GRM8: variants seen among roughly 807,000 people sequenced by gnomAD.
GRM8 encodes metabotropic glutamate receptor 8.
GRM8 carries 47 observed loss-of-function variants against 87.2 expected under a neutral mutation model. The observed-to-expected ratio is 0.54, with a 90% confidence interval of 0.43 to 0.69. The LOEUF is 0.69. GRM8 is among the 30% of genes least tolerant of loss of function. The pLI is 0.00. For missense variants in GRM8, 1,019 were observed against 1,139.2 expected (o/e 0.89, Z 1.52); for synonymous variants, 396 against 404.5 (o/e 0.98, Z 0.25).
chr7:126,729,687 T>C lies in GRM8; in HGVS notation c.1357+40178A>G, dbSNP rs191530529. ...CCCTAAATGAAGTGACTTTTGTATGTGATTACCTTGTGTCACCTATGATTT... is the reference window on the plus strand; with the variant it reads ...CCCTAAATGAAGTGACTTTTGTATGCGATTACCTTGTGTCACCTATGATTT... On this transcript the variant is annotated intron_variant, in intron 7 of 10. Transcript: ENST00000339582. 3.9e-4 allele frequency among the ~76,000 whole-genome samples: 59 copies of C among 152,324 alleles called. 1 individual carries two copies. In the East Asian group the frequency reaches 0.011, roughly 29 times the overall value.
intron 3 of GRM8, among the ~76,000 whole-genome samples, chr7:126,968,480 T>C (rs1326283984): frequency 6.6e-6 from 1 of 152,132 alleles, no homozygotes; most frequent in Non-Finnish European, 1.5e-5. Flanking sequence ...TTACCCTAAT[T>C]AACAAGGAAG....
At chr7:126,690,682 C>T (rs1808709001) in intron 7 of GRM8, among the ~76,000 whole-genome samples, 1 of 152,104 alleles carries the variant, frequency 6.6e-6, no homozygotes, top group South Asian at 2.1e-4. Context: ...AGTTCTTGTC[C>T]CACATCCAGG....
Position 126,685,910 on chromosome 7 carries a change from C to T in GRM8, c.1358-76412G>A, listed in dbSNP as rs757896595. On this transcript the variant is annotated intron_variant, in intron 7 of 10. Transcript: ENST00000339582. The surrounding 1 kb of genome is among the most constrained non-coding windows in gnomAD (Gnocchi z 4.2). ...ATTCCCGCATACCAGAAGGTGAACT[C>T]GTAGCGCTTTTCCCTGGGCCCTCGT... Among the ~76,000 whole-genome samples the T allele has an allele frequency of 9.9e-5, 15 of 151,932 alleles. No homozygotes were observed. The highest frequency in any genetic ancestry group is 2.0e-4 in the Admixed American group (3 of 15,262).
chr7:126,800,005 T>C (rs1258100558), intron 6 of GRM8, among the ~76,000 whole-genome samples: 1 of 152,146 alleles, frequency 6.6e-6, no homozygotes. Context: ...TTTCAGAAGA[T>C]AGTTAGAATA....
intron 3 of GRM8, among the ~76,000 whole-genome samples, chr7:126,925,220 G>A (rs1013779934): frequency 6.6e-6 from 1 of 152,132 alleles, no homozygotes; most frequent in Non-Finnish European, 1.5e-5. Context: ...AGTTATTTTT[G>A]CATGGGTGCC....
chr7:127,020,830 A>G (rs1259397036), intron 3 of GRM8, among the ~76,000 whole-genome samples: 2 of 152,012 alleles, frequency 1.3e-5, no homozygotes, highest in Non-Finnish European at 2.9e-5. Flanking sequence ...TTATCATCAT[A>G]AATCAGGAAA....
At chr7:127,231,872 C>CTT (rs5887330) in intron 2 of GRM8, among the ~76,000 whole-genome samples, 8,446 of 149,318 alleles carry the variant, frequency 0.057, 306 homozygotes, top group African/African-American at 0.093. Context: ...TTTTCTTTTT[C>CTT]TTTTTTTTTT....
chr7:127,042,636 G>T (rs1338072746), intron 3 of GRM8, among the ~76,000 whole-genome samples: 1 of 152,156 alleles, frequency 6.6e-6, no homozygotes, highest in Non-Finnish European at 1.5e-5. Flanking sequence ...AGACTTAAAT[G>T]TTACACCTAA....
At chr7:126,990,545 A>T (rs1224240698) in intron 3 of GRM8, among the ~76,000 whole-genome samples, 2 of 152,248 alleles carry the variant, frequency 1.3e-5, no homozygotes, top group Non-Finnish European at 2.9e-5. Context: ...CTGTTTTCAG[A>T]TAGCTTGATG....
intron 7 of GRM8, among the ~76,000 whole-genome samples, chr7:126,746,677 C>CT (rs1272979782): frequency 6.6e-6 from 1 of 151,544 alleles, no homozygotes; most frequent in East Asian, 1.9e-4. Context: ...GAATATAAGC[C>CT]TAGTAACACA....
chr7:127,023,535 A>C (rs1816484649), intron 3 of GRM8, among the ~76,000 whole-genome samples: 1 of 152,086 alleles, frequency 6.6e-6, no homozygotes, highest in Non-Finnish European at 1.5e-5. Flanking sequence ...TAAGGAGAAA[A>C]TTTGTCTCCA....
intron 2 of GRM8, among the ~76,000 whole-genome samples, chr7:127,152,785 G>C (rs1792479583): frequency 1.3e-5 from 2 of 152,014 alleles, no homozygotes. Flanking sequence ...ATCACCAAAG[G>C]AATTTACCAA....
intron 7 of GRM8, among the ~76,000 whole-genome samples, chr7:126,715,862 T>C (rs532070020): frequency 4.5e-4 from 68 of 152,326 alleles, no homozygotes; most frequent in African/African-American, 1.5e-3. Context: ...GCCAATGGCT[T>C]TTCTGTCCCA....
intron 7 of GRM8, among the ~76,000 whole-genome samples, chr7:126,708,552 A>T (rs1046600796): frequency 2.7e-5 from 4 of 150,324 alleles, no homozygotes; most frequent in African/African-American, 7.3e-5. Context: ...TATATATATA[A>T]AATATCATAT....
intron 3 of GRM8, among the ~76,000 whole-genome samples, chr7:126,997,008 C>T (rs937835760): frequency 6.6e-6 from 1 of 151,944 alleles, no homozygotes; most frequent in Non-Finnish European, 1.5e-5. Context: ...AACTCAGCAT[C>T]ATTCTCACAG....
intron 2 of GRM8, among the ~76,000 whole-genome samples, chr7:127,157,634 T>C (rs1046803244): frequency 1.3e-5 from 2 of 152,196 alleles, no homozygotes; most frequent in Admixed American, 1.3e-4. Context: ...CAACCCATTT[T>C]ATCATGGATG....
chr7:126,729,363 T>C (rs541764307), intron 7 of GRM8, among the ~76,000 whole-genome samples: 3 of 152,304 alleles, frequency 2.0e-5, no homozygotes, highest in African/African-American at 4.8e-5. Flanking sequence ...CTCCAGGGAA[T>C]GGCCTTCACA....
chr7:126,889,891 T>C (rs1267237753), intron 6 of GRM8, among the ~76,000 whole-genome samples: 6 of 152,068 alleles, frequency 3.9e-5, no homozygotes, highest in African/African-American at 7.2e-5. Context: ...ATTTAATACA[T>C]TGTATTAGTT....
At position 126,830,444 on chromosome 7, in the gene GRM8, TCA is replaced by T. The variant is rs375035397; in HGVS notation, c.1157-60381_1157-60380del. ...TCTAAACTTCCCTTCTCGCTTCATT[TCA>T]TTCATTTCATCTTCCATCACTAATA... On this transcript the variant is annotated intron_variant, in intron 6 of 10. Coordinates refer to ENST00000339582, the MANE Select transcript of GRM8 (RefSeq NM_000845.3). 2.8e-4 allele frequency among the ~76,000 whole-genome samples: 43 copies of T among 152,322 alleles called. No individual in the cohort carries two copies. The East Asian group carries it at 7.7e-3, about 27-fold the overall frequency.
Sources: allele counts gnomAD v4.1 joint callset (sites outside exome capture counted in the v4.1 genomes callset), GRCh38; gene constraint gnomAD v4.1.1; non-coding constraint Gnocchi (gnomAD v3.1); transcripts MANE v1.5; gene names NCBI Gene and HGNC (gene_info 2026-07-23, HGNC 2026-07-21).